The following SLC6A3 variants were observed in gnomAD, a reference collection of about 807,000 sequenced individuals.
SLC6A3 encodes the protein sodium-dependent dopamine transporter.
SLC6A3 carries 19 observed loss-of-function variants against 70.4 expected under a neutral mutation model. The observed-to-expected ratio is 0.27, with a 90% confidence interval of 0.19 to 0.40. SLC6A3 has a LOEUF of 0.40. Ranked by LOEUF, SLC6A3 falls within the 10% of genes least tolerant of loss-of-function variation. SLC6A3 has a pLI of 1.00. For missense variants in SLC6A3, 613 were observed against 838.5 expected (o/e 0.73, Z 3.32); for synonymous variants, 368 against 356.6 (o/e 1.03, Z -0.36).
In SLC6A3 at chr5:1,408,728, T is replaced by C. The variant is rs921993565; in HGVS notation, c.1498+298A>G. ...AAACCCCAGCATGGATCTGATTGTG[T>C]TCCCCTGGGTGGGATGGGCTCACCG... On this transcript the variant is annotated intron_variant, in intron 11 of 14. Transcript: ENST00000270349. This position sits in a 1 kb window ranked among gnomAD's most constrained non-coding sequence, Gnocchi z 6.4. Among the ~76,000 whole-genome samples, 2 of 152,316 alleles carry C rather than the reference T, an allele frequency of 1.3e-5. No homozygotes were observed. The highest frequency in any genetic ancestry group is 1.3e-4 in the Admixed American group (2 of 15,308).
rs1756848558 is a variant in SLC6A3, at chr5:1,436,910, G to A, written c.419-4212C>T. 6.6e-6 allele frequency among the ~76,000 whole-genome samples: 1 copy of A among 152,174 alleles called. No individual in the cohort carries two copies. The highest frequency in any genetic ancestry group is 6.5e-5 in the Admixed American group (1 of 15,278). ...CCCGCTGGAGGAAGCCTCTGGTGGAGCAGCCCCTCCATACCTCACAGGAGG... is the reference window on the plus strand; with the variant it reads ...CCCGCTGGAGGAAGCCTCTGGTGGAACAGCCCCTCCATACCTCACAGGAGG... On this transcript the variant is annotated intron_variant, in intron 3 of 14. Transcript: ENST00000270349. This position sits in a 1 kb window ranked among gnomAD's most constrained non-coding sequence, Gnocchi z 5.2.
chr5:1,421,740 C>T lies in SLC6A3; in HGVS notation c.792+136G>A. Reference sequence around the variant, plus strand: ...AAACTCAACCATGGCCATGTGTCCACCCCAACCTGGCCATGGCCACATTGG... The same window carrying T: ...AAACTCAACCATGGCCATGTGTCCATCCCAACCTGGCCATGGCCACATTGG... On this transcript the variant is annotated intron_variant, in intron 5 of 14. Transcript: ENST00000270349. This position sits in a 1 kb window ranked among gnomAD's most constrained non-coding sequence, Gnocchi z 7.2. The T allele has an allele frequency of 1.1e-6, 1 of 948,694 alleles. No individual in the cohort carries two copies. The highest frequency in any genetic ancestry group is 1.7e-6 in the Non-Finnish European group (1 of 586,392). 58.8% of individuals were successfully genotyped at this position (948,694 alleles called of 1,614,324 possible).
chr5:1,396,614 T>C lies in SLC6A3; in HGVS notation c.1840-1856A>G, dbSNP rs1755726498. 6.6e-6 allele frequency among the ~76,000 whole-genome samples: 1 copy of C among 152,148 alleles called. No homozygotes were observed. Among genetic ancestry groups the C allele is most frequent in the African/African-American group, 2.4e-5 (1 of 41,426 alleles). On this transcript the variant is annotated intron_variant, in intron 14 of 14. Transcript: ENST00000270349. This position sits in a 1 kb window ranked among gnomAD's most constrained non-coding sequence, Gnocchi z 7.0. Reference sequence around the variant, plus strand: ...ACCCGGGACAATGGCCCAGGACCCCTGCTGAGGGTTCAGACGAGCACATCC... The same window carrying C: ...ACCCGGGACAATGGCCCAGGACCCCCGCTGAGGGTTCAGACGAGCACATCC...
chr5:1,418,541 A>C (rs1560915881), intron 6 of SLC6A3, among the ~76,000 whole-genome samples: 1 of 152,084 alleles, frequency 6.6e-6, no homozygotes, highest in East Asian at 1.9e-4. Context: ...ATCTATCTCC[A>C]TCCATCCTAT....
intron 10 of SLC6A3, 66 bp downstream of exon 10, chr5:1,409,655 G>T: frequency 6.3e-7 from 1 of 1,599,174 alleles, no homozygotes; most frequent in South Asian, 1.1e-5. Flanking sequence ...GTCCCAGCCA[G>T]GGCGCCCCGT....
rs375182045 is a variant in SLC6A3, at chr5:1,413,851, G to T, written c.1156+840C>A. ...CACTGCAAGCACCGGAGCCAGGCAC[G>T]TGGCCCCAAGTGCCTGGGCCCACTC... On this transcript the variant is annotated intron_variant, in intron 8 of 14. Transcript: ENST00000270349. The surrounding 1 kb of genome is among the most constrained non-coding windows in gnomAD (Gnocchi z 7.1). Among the ~76,000 whole-genome samples, 13 of 152,230 alleles carry T rather than the reference G, an allele frequency of 8.5e-5. No homozygotes were observed. In the East Asian group the frequency reaches 2.5e-3, roughly 29 times the overall value.
At chr5:1,428,192 ACCTAGCAAAC>A (rs1177848084) in intron 4 of SLC6A3, among the ~76,000 whole-genome samples, 1 of 152,192 alleles carries the variant, frequency 6.6e-6, no homozygotes. Context: ...TAACAAAAAT[ACCTAGCAAAC>A]TTCCAAATAT....
chr5:1,444,980 G>C (rs1006975768), intron 1 of SLC6A3, among the ~76,000 whole-genome samples: 8 of 152,284 alleles, frequency 5.3e-5, no homozygotes, highest in Non-Finnish European at 7.4e-5. Context: ...GATCGGATCT[G>C]GGATGCGCCG....
At chr5:1,414,135 A>G (rs919270027) in intron 8 of SLC6A3, among the ~76,000 whole-genome samples, 1 of 151,996 alleles carries the variant, frequency 6.6e-6, no homozygotes, top group African/African-American at 2.4e-5. Flanking sequence ...GCGGCATCCC[A>G]GCCTGCCTCC....
rs1755990462 is a variant in SLC6A3 at position 1,406,720 on chromosome 5, T to C, written c.1499-432A>G. Among the ~76,000 whole-genome samples, 1 of 149,566 alleles carries C rather than the reference T, an allele frequency of 6.7e-6. No homozygotes were observed. The highest frequency in any genetic ancestry group is 1.5e-5 in the Non-Finnish European group (1 of 66,160). Reference sequence around the variant, plus strand: ...ATAATGTATCAATACATTCACATACTGTGTAACCGTCACCACCGTCCATCT... The same window carrying C: ...ATAATGTATCAATACATTCACATACCGTGTAACCGTCACCACCGTCCATCT... On this transcript the variant is annotated intron_variant, in intron 11 of 14. Coordinates refer to ENST00000270349, the MANE Select transcript of SLC6A3 (RefSeq NM_001044.5). This position sits in a 1 kb window ranked among gnomAD's most constrained non-coding sequence, Gnocchi z 8.8.
In SLC6A3 at chr5:1,401,026, T is replaced by C. The variant is rs763842305; in HGVS notation, c.1768-40A>G. 40 of 1,474,554 alleles carry C rather than the reference T, an allele frequency of 2.7e-5. No homozygotes were observed. In the East Asian group the frequency reaches 8.8e-4, roughly 33 times the overall value. The allele number at this position is 1,474,554 out of a possible 1,614,324, so 91.3% of individuals were successfully genotyped here. Reference sequence around the variant, plus strand: ...GAGTGCAGGGGTCAGTGCAGACCAGTACCCACTGCCAGCACCCACCACTGA... The same window carrying C: ...GAGTGCAGGGGTCAGTGCAGACCAGCACCCACTGCCAGCACCCACCACTGA... On this transcript the variant is annotated intron_variant, in intron 13 of 14. Coordinates refer to ENST00000270349, the MANE Select transcript of SLC6A3 (RefSeq NM_001044.5). This position sits in a 1 kb window ranked among gnomAD's most constrained non-coding sequence, Gnocchi z 6.1.
chr5:1,401,871 G>A lies in SLC6A3; in HGVS notation c.1768-885C>T, dbSNP rs1473800479. 6.6e-6 allele frequency among the ~76,000 whole-genome samples: 1 copy of A among 152,200 alleles called. No homozygotes were observed. The highest frequency in any genetic ancestry group is 1.5e-5 in the Non-Finnish European group (1 of 68,038). On this transcript the variant is annotated intron_variant, in intron 13 of 14. Transcript: ENST00000270349. This position sits in a 1 kb window ranked among gnomAD's most constrained non-coding sequence, Gnocchi z 6.1. ...GCTGGGTCCTGGCAGGTCAGCCCGT[G>A]GGGGTCTGAGAGGGACTGTCCACAG...
At position 1,406,311 on chromosome 5, in the gene SLC6A3, A is replaced by G. The variant is rs1375741415; in HGVS notation, c.1499-23T>C. On this transcript the variant is annotated intron_variant, in intron 11 of 14. Coordinates refer to ENST00000270349, the MANE Select transcript of SLC6A3 (RefSeq NM_001044.5). This position sits in a 1 kb window ranked among gnomAD's most constrained non-coding sequence, Gnocchi z 8.8. The stretch of plus-strand genomic sequence containing the variant: ...CACCTGAGGGAGAAGAGGTGGCATC[A>G]GTGTCCATCAGGGCAGCGCATTCCC... 6.3e-7 allele frequency: 1 copy of G among 1,587,294 alleles called. No individual in the cohort carries two copies. Among genetic ancestry groups the G allele is most frequent in the Non-Finnish European group, 8.6e-7 (1 of 1,156,652 alleles).
At chr5:1,416,077 C>A (rs1756283853) in intron 7 of SLC6A3, 21 bp downstream of exon 7, 1 of 1,583,054 alleles carries the variant, frequency 6.3e-7, no homozygotes, top group African/African-American at 1.3e-5. Flanking sequence ...AGGCCCCTGC[C>A]TGGCCCTGCT....
rs1755656440 is a variant in SLC6A3, at chr5:1,394,221, A to T, written c.*514T>A. 1 of 192,960 alleles carries T rather than the reference A, an allele frequency of 5.2e-6. No homozygotes were observed. The highest frequency in any genetic ancestry group is 5.4e-5 in the Admixed American group (1 of 18,614). 12.0% of individuals were successfully genotyped at this position (192,960 alleles called of 1,614,324 possible). Reference sequence around the variant, plus strand: ...GCCACGCATCGGGAAAGGACTTTGCATGAATTTGTGGTTTCCTCCATTTCA... The same window carrying T: ...GCCACGCATCGGGAAAGGACTTTGCTTGAATTTGTGGTTTCCTCCATTTCA... On this transcript the variant is annotated 3_prime_UTR_variant, in exon 15 of 15. Coordinates refer to ENST00000270349, the MANE Select transcript of SLC6A3 (RefSeq NM_001044.5). The surrounding 1 kb of genome is among the most constrained non-coding windows in gnomAD (Gnocchi z 4.7).
At position 1,397,730 on chromosome 5, in the gene SLC6A3, C is replaced by A. The variant is rs886874168; in HGVS notation, c.1840-2972G>T. Among the ~76,000 whole-genome samples, 2 of 152,166 alleles carry A rather than the reference C, an allele frequency of 1.3e-5. No homozygotes were observed. Among genetic ancestry groups the A allele is most frequent in the African/African-American group, 4.8e-5 (2 of 41,432 alleles). On this transcript the variant is annotated intron_variant, in intron 14 of 14. Transcript: ENST00000270349. This position sits in a 1 kb window ranked among gnomAD's most constrained non-coding sequence, Gnocchi z 4.7. ...AATAGTGAGGGAGGTTAGCAAGAGA[C>A]CTCCTCAAAGGAATGTCTGAAGGAT...
Position 1,394,394 on chromosome 5 carries a change from G to A in SLC6A3, c.*341C>T. On this transcript the variant is annotated 3_prime_UTR_variant, in exon 15 of 15. Coordinates refer to ENST00000270349, the MANE Select transcript of SLC6A3 (RefSeq NM_001044.5). The surrounding 1 kb of genome is among the most constrained non-coding windows in gnomAD (Gnocchi z 4.7). ...CGCCTGAGAACACAGTGCCCCTGGG[G>A]CAGCCTCAGAGCCGGGAGCAGGGAG... 2.1e-6 allele frequency: 1 copy of A among 482,580 alleles called. No homozygotes were observed. Among genetic ancestry groups the A allele is most frequent in the East Asian group, 3.8e-5 (1 of 26,664 alleles). 29.9% of individuals were successfully genotyped at this position (482,580 alleles called of 1,614,324 possible).
chr5:1,431,147 C>T lies in SLC6A3; in HGVS notation c.653+1317G>A, dbSNP rs375543008. Among the ~76,000 whole-genome samples the T allele has an allele frequency of 2.4e-3, 362 of 152,330 alleles. 2 individuals carry two copies. The highest frequency in any genetic ancestry group is 8.3e-3 in the African/African-American group (347 of 41,566). ...GCGACCCGGCACGAGGCCCCAGGCC[C>T]GGCTGGCGAGGGCAGGAAGATGTGG... On this transcript the variant is annotated intron_variant, in intron 4 of 14. Transcript: ENST00000270349.
chr5:1,407,189 G>A (rs1288064544), intron 11 of SLC6A3, among the ~76,000 whole-genome samples: 1 of 152,140 alleles, frequency 6.6e-6, no homozygotes, highest in Non-Finnish European at 1.5e-5. Context: ...CCCACATCTG[G>A]CCTGGTCTGT....
Sources: gnomAD v4.1 joint callset for allele counts (sites outside exome capture counted in the v4.1 genomes callset) on GRCh38, gnomAD v4.1.1 for gene constraint, Gnocchi (gnomAD v3.1) non-coding constraint, MANE v1.5 for transcripts, NCBI Gene and HGNC (gene_info 2026-07-23, HGNC 2026-07-21) for gene names.